The following VPS13A variants were observed in gnomAD, a reference collection of about 807,000 sequenced individuals.
VPS13A encodes the protein vacuolar protein sorting 13 homolog A.
In VPS13A, 264 loss-of-function variants were observed where a neutral mutation model predicts 390.9. The ratio of observed to expected loss-of-function variants is 0.68; its 90% CI spans 0.61 to 0.75. The LOEUF (loss-of-function observed/expected upper bound fraction) is 0.75, where lower values mean the gene tolerates loss of function less well. Among genes scored for constraint, VPS13A ranks in the 30% least tolerant of loss-of-function variants. The pLI, the probability that VPS13A is intolerant of heterozygous loss-of-function variation, is 0.00. For synonymous variants in VPS13A, 1,231 were observed against 1,227.1 expected, an observed-to-expected ratio of 1.00 and a Z score of -0.07; for missense variants, 3,409 against 3,733.9, an observed-to-expected ratio of 0.91 and a Z score of 2.27.
chr9:77,402,415 C>A (rs12341950), intron 68 of VPS13A, among the ~76,000 whole-genome samples: 15,441 of 152,082 alleles, frequency 0.1, 805 homozygotes, highest in Middle Eastern at 0.13. Context: ...TTTTGGATTT[C>A]TTTATGATTT....
Position 77,407,580 on chromosome 9 carries a change from T to C in VPS13A, c.9447T>C (p.Ile3149=). 1 of 1,612,972 alleles carries C rather than the reference T, an allele frequency of 6.2e-7. No individual in the cohort carries two copies. ...ATGCCAGAGAGTTTGGAAAAATAAT[T>C]AACTTCAAGACCCCAGAGGATGCCA... The part of the protein sequence containing the change: ...VFHAREFGKI[I]NFKTPEDARW... The change falls in exon 71 of 72, where the codon ATT becomes ATC. Residue 3149 remains isoleucine (I), a synonymous_variant. Coordinates refer to ENST00000360280, the MANE Select transcript of VPS13A (RefSeq NM_033305.3).
chr9:77,331,445 A>G (rs538633360), intron 45 of VPS13A, among the ~76,000 whole-genome samples: 3 of 151,740 alleles, frequency 2.0e-5, no homozygotes, highest in African/African-American at 4.8e-5. Flanking sequence ...TATAATTTGT[A>G]TTTTCTTGAT....
chr9:77,411,455 AG>A (rs1289011167), intron 71 of VPS13A, among the ~76,000 whole-genome samples: 1 of 151,966 alleles, frequency 6.6e-6, no homozygotes, highest in Non-Finnish European at 1.5e-5. Flanking sequence ...CGAGGTCAGG[AG>A]ATCGACACCA....
intron 70 of VPS13A, 125 bp from the exon 71 acceptor site, chr9:77,407,408 T>C: frequency 1.4e-6 from 1 of 718,200 alleles, no homozygotes; most frequent in Non-Finnish European, 2.4e-6. Flanking sequence ...TCTTGTCTTT[T>C]TTAAGGTGCA....
chr9:77,348,310 A>G (rs1831271729), intron 52 of VPS13A, among the ~76,000 whole-genome samples: 1 of 152,204 alleles, frequency 6.6e-6, no homozygotes, highest in South Asian at 2.1e-4. Context: ...GAACGAGATC[A>G]TTCCTTTGCA....
At chr9:77,216,569 CTGAGTAGA>C (rs1002624562) in intron 10 of VPS13A, among the ~76,000 whole-genome samples, 1 of 152,100 alleles carries the variant, frequency 6.6e-6, no homozygotes, top group Non-Finnish European at 1.5e-5. Context: ...AGTCCTTATA[CTGAGTAGA>C]TGAGTAGATA....
At chr9:77,411,980 A>T (rs1834954600) in intron 71 of VPS13A, among the ~76,000 whole-genome samples, 1 of 152,174 alleles carries the variant, frequency 6.6e-6, no homozygotes. Context: ...ATGCAAATAA[A>T]CTAGAAAATC....
intron 6 of VPS13A, 63 bp from the exon 7 acceptor site, chr9:77,210,553 T>C (rs1441246773): frequency 2.0e-6 from 3 of 1,537,298 alleles, no homozygotes; most frequent in Non-Finnish European, 2.7e-6. Context: ...CAGTTTTTTC[T>C]ATAAAGTGGA....
chr9:77,255,861 A>G (rs1825408391), intron 22 of VPS13A, among the ~76,000 whole-genome samples: 1 of 151,910 alleles, frequency 6.6e-6, no homozygotes, highest in South Asian at 2.1e-4. Flanking sequence ...TACCACTTTC[A>G]TTTCTGATTT....
At chr9:77,256,745 C>A (rs1289865974) in intron 22 of VPS13A, among the ~76,000 whole-genome samples, 1 of 151,908 alleles carries the variant, frequency 6.6e-6, no homozygotes, top group African/African-American at 2.4e-5. Flanking sequence ...TATGTAATGT[C>A]CTTCTTTATT....
intron 45 of VPS13A, among the ~76,000 whole-genome samples, chr9:77,330,148 T>C (rs1432972020): frequency 6.6e-6 from 1 of 151,080 alleles, no homozygotes; most frequent in Admixed American, 6.6e-5. Context: ...CTGCAGTAGC[T>C]CGGACTACAT....
chr9:77,357,951 C>CAT, intron 56 of VPS13A, 113 bp downstream of exon 56: 1 of 673,510 alleles, frequency 1.5e-6, no homozygotes, highest in Non-Finnish European at 2.1e-6. Flanking sequence ...GTTGTGCTAG[C>CAT]CTTTTTTTTT....
chr9:77,294,389 C>T (rs1827855222), intron 32 of VPS13A, among the ~76,000 whole-genome samples: 1 of 151,900 alleles, frequency 6.6e-6, no homozygotes, highest in African/African-American at 2.4e-5. Flanking sequence ...ATATTTTTTC[C>T]TGTGGGTGTC....
At chr9:77,400,374 A>G (rs1834326276) in intron 68 of VPS13A, among the ~76,000 whole-genome samples, 1 of 151,512 alleles carries the variant, frequency 6.6e-6, no homozygotes, top group South Asian at 2.1e-4. Flanking sequence ...ATTGACAAAT[A>G]TTTTCCCAAA....
rs1005732331 is a variant in VPS13A at position 77,391,014 on chromosome 9, G to A, written c.9189+8927G>A. Among the ~76,000 whole-genome samples the A allele has an allele frequency of 7.2e-5, 11 of 152,088 alleles. No homozygotes were observed. The South Asian group carries it at 2.3e-3, about 32-fold the overall frequency. Reference sequence around the variant, plus strand: ...ATTAAAAGAAATCCTCAAATGTTAAGCCCAGGTACGTTCAATTTGAGTCTT... The same window carrying A: ...ATTAAAAGAAATCCTCAAATGTTAAACCCAGGTACGTTCAATTTGAGTCTT... On this transcript the variant is annotated intron_variant, in intron 68 of 71. Transcript: ENST00000360280.
chr9:77,220,271 C>A lies in VPS13A; in HGVS notation c.883-6C>A, dbSNP rs764388378. The A allele has an allele frequency of 6.2e-7, 1 of 1,605,226 alleles. No individual in the cohort carries two copies. The stretch of plus-strand genomic sequence containing the variant: ...CATTTAAGAGCTTTAATTTTCCATT[C>A]TTTAGTATTTCAGTATTATGGAGCT... On this transcript the variant is annotated splice_region_variant and splice_polypyrimidine_tract_variant and intron_variant, in intron 11 of 71. Transcript: ENST00000360280.
intron 69 of VPS13A, among the ~76,000 whole-genome samples, chr9:77,403,785 TA>T (rs1204123045): frequency 6.6e-6 from 1 of 152,100 alleles, no homozygotes; most frequent in Non-Finnish European, 1.5e-5. Flanking sequence ...GGGGTACATG[TA>T]AAAATACACA....
Position 77,225,784 on chromosome 9 carries a change from A to G in VPS13A, c.1162-142A>G, listed in dbSNP as rs981491630. The G allele has an allele frequency of 1.7e-5, 10 of 605,772 alleles. No homozygotes were observed. In the African/African-American group the frequency reaches 1.7e-4, roughly 10 times the overall value. 37.5% of individuals were successfully genotyped at this position (605,772 alleles called of 1,614,324 possible). On this transcript the variant is annotated intron_variant, in intron 13 of 71. Coordinates refer to ENST00000360280, the MANE Select transcript of VPS13A (RefSeq NM_033305.3). ...AGCATTGCTTCCCAGAATTTAACAT[A>G]TGTATTATATTGATGAATGTTCTGT...
intron 63 of VPS13A, among the ~76,000 whole-genome samples, 191 bp from the exon 64 acceptor site, chr9:77,370,066 T>C (rs1377226388): frequency 6.6e-6 from 1 of 152,222 alleles, no homozygotes; most frequent in Non-Finnish European, 1.5e-5. Flanking sequence ...TAACATTATA[T>C]CCTTCACACT....
Sources: allele counts gnomAD v4.1 joint callset (sites outside exome capture counted in the v4.1 genomes callset), GRCh38; gene constraint gnomAD v4.1.1; transcripts MANE v1.5; gene names NCBI Gene and HGNC (gene_info 2026-07-23, HGNC 2026-07-21).